PCDH11X: variants seen among roughly 807,000 people sequenced by gnomAD.
PCDH11X encodes protocadherin 11 X-linked.
PCDH11X carries 18 observed loss-of-function variants against 53.3 expected under a neutral mutation model. That is an observed-to-expected ratio of 0.34 (90% CI 0.23 to 0.50). The LOEUF (loss-of-function observed/expected upper bound fraction) is 0.50, where lower values mean the gene tolerates loss of function less well. PCDH11X is among the 20% of genes least tolerant of loss of function. The pLI, the probability that PCDH11X is intolerant of heterozygous loss-of-function variation, is 0.98. For missense variants in PCDH11X, 570 were observed against 1,032.4 expected (o/e 0.55, Z 6.14); for synonymous variants, 279 against 393.3 (o/e 0.71, Z 3.44).
chrX:91,964,238 C>A (rs1303550934), intron 6 of PCDH11X, among the ~76,000 whole-genome samples: 1 of 106,882 alleles, frequency 9.4e-6, no homozygotes, highest in Non-Finnish European at 1.9e-5. Context: ...CCATCCAAAG[C>A]AATCTATGGA....
intron 9 of PCDH11X, among the ~76,000 whole-genome samples, chrX:92,393,734 G>A (rs1281327041): frequency 9.0e-6 from 1 of 110,649 alleles, no homozygotes; most frequent in African/African-American, 3.3e-5. Context: ...TGTTAGAAAA[G>A]TATCTATATA....
chrX:91,973,255 A>G (rs1454248738), intron 6 of PCDH11X, among the ~76,000 whole-genome samples: 1 of 81,332 alleles, frequency 1.2e-5, no homozygotes, highest in African/African-American at 4.8e-5. Flanking sequence ...ACATGGACAC[A>G]GGAAGGGGAA....
chrX:92,618,721 A>G lies in PCDH11X; in HGVS notation c.3825A>G (p.Ser1275=). Residue 1275 remains serine, a synonymous_variant, in exon 11 of 11, where the codon TCA becomes TCG. Transcript: ENST00000682573. The stretch of plus-strand genomic sequence containing the variant: ...TCCATCGTAGTCAGGCCCAATCATC[A>G]GTCAGTTTGCAGCAAGGTTGGGTGC... ...IALHRSQAQS[S]VSLQQGWVQG... 3 of 1,211,997 alleles carry G rather than the reference A, an allele frequency of 2.5e-6. No homozygotes were observed. Among genetic ancestry groups the G allele is most frequent in the Non-Finnish European group, 3.4e-6 (3 of 895,514 alleles).
intron 10 of PCDH11X, among the ~76,000 whole-genome samples, chrX:92,503,700 TAAC>T (rs1241152433): frequency 3.7e-5 from 4 of 108,932 alleles, no homozygotes; most frequent in African/African-American, 1.0e-4. Context: ...ACATGGTGGG[TAAC>T]AACACACACT....
intron 6 of PCDH11X, among the ~76,000 whole-genome samples, chrX:91,966,318 G>A (rs5942108): frequency 9.0e-6 from 1 of 110,512 alleles, no homozygotes; most frequent in Non-Finnish European, 1.9e-5. Flanking sequence ...TGAATTTCAA[G>A]AGAAAGAATA....
chrX:92,175,756 A>ATGTGTGTGTGTGTGTG lies in PCDH11X; in HGVS notation c.3034-25613_3034-25598dup, dbSNP rs751094829. Reference sequence around the variant, plus strand: ...AGAGTATTTGTGTGTGTATACATATATGTGTGTGTGTGTGTGTGTGTATAT... The same window carrying ATGTGTGTGTGTGTGTG: ...AGAGTATTTGTGTGTGTATACATATATGTGTGTGTGTGTGTGTGTGTGTGTGTGTGTGTGTGTATAT... On this transcript the variant is annotated intron_variant, in intron 6 of 10. Transcript: ENST00000682573. 9.9e-3 allele frequency among the ~76,000 whole-genome samples: 699 copies of ATGTGTGTGTGTGTGTG among 70,920 alleles called. 5 individuals are homozygous for ATGTGTGTGTGTGTGTG. The highest frequency in any genetic ancestry group is 0.015 in the Non-Finnish European group (585 of 37,799). 61.6% of individuals were successfully genotyped at this position (70,920 alleles called of 115,157 possible).
At chrX:91,790,694 T>G (rs1305682559) in intron 1 of PCDH11X, among the ~76,000 whole-genome samples, 1 of 110,977 alleles carries the variant, frequency 9.0e-6, no homozygotes, top group Non-Finnish European at 1.9e-5. Context: ...GACTTTTATC[T>G]TAGAATACAG....
intron 9 of PCDH11X, among the ~76,000 whole-genome samples, chrX:92,442,315 G>T (rs1414838206): frequency 1.8e-5 from 2 of 110,017 alleles, no homozygotes; most frequent in Non-Finnish European, 3.8e-5. Flanking sequence ...AGGGGCCAGG[G>T]GTGGAATGAT....
chrX:92,248,402 G>T (rs1291854690), intron 7 of PCDH11X, among the ~76,000 whole-genome samples: 1 of 110,700 alleles, frequency 9.0e-6, no homozygotes, highest in Non-Finnish European at 1.9e-5. Flanking sequence ...TTTCACTTAA[G>T]GCCCATACTA....
At chrX:92,081,391 C>G in intron 6 of PCDH11X, among the ~76,000 whole-genome samples, 1 of 109,893 alleles carries the variant, frequency 9.1e-6, no homozygotes, top group Admixed American at 9.9e-5. Flanking sequence ...ATGTTTCCCT[C>G]CCCAGAACAC....
At chrX:92,589,407 A>T (rs755731427) in intron 10 of PCDH11X, among the ~76,000 whole-genome samples, 9 of 111,921 alleles carry the variant, frequency 8.0e-5, no homozygotes, top group Non-Finnish European at 1.7e-4. Flanking sequence ...GTACAATAAC[A>T]TATAAATATT....
chrX:92,131,496 T>A (rs1453238860), intron 6 of PCDH11X, among the ~76,000 whole-genome samples: 1 of 111,351 alleles, frequency 9.0e-6, no homozygotes. Context: ...GCAGATGAAC[T>A]GGGAAGGAAG....
chrX:92,231,819 G>A (rs1054187676), intron 7 of PCDH11X, among the ~76,000 whole-genome samples: 3 of 111,797 alleles, frequency 2.7e-5, no homozygotes, highest in African/African-American at 9.8e-5. Context: ...TAGTAGGTAC[G>A]CTACTCCCCA....
At chrX:92,417,820 A>AT (rs61034265) in intron 9 of PCDH11X, among the ~76,000 whole-genome samples, 1,513 of 67,408 alleles carry the variant, frequency 0.022, 77 homozygotes, top group African/African-American at 0.071. Flanking sequence ...CTTTTCTTCC[A>AT]TTTTTTTTTT....
chrX:92,331,057 G>T (rs1163362249), intron 8 of PCDH11X, among the ~76,000 whole-genome samples: 2 of 101,717 alleles, frequency 2.0e-5, no homozygotes, highest in African/African-American at 7.1e-5. Flanking sequence ...TTAAATATGT[G>T]CAGTTTACTG....
chrX:92,009,766 G>A (rs1387672223), intron 6 of PCDH11X, among the ~76,000 whole-genome samples: 4 of 99,618 alleles, frequency 4.0e-5, no homozygotes, highest in South Asian at 5.1e-4. Context: ...GCAGTGGTGC[G>A]ATCTTGGCTC....
At chrX:92,599,763 G>C (rs1287726900) in intron 10 of PCDH11X, among the ~76,000 whole-genome samples, 1 of 111,480 alleles carries the variant, frequency 9.0e-6, no homozygotes, top group Non-Finnish European at 1.9e-5. Context: ...CAGTTTGTAG[G>C]GCTCAGAAGA....
At chrX:92,252,576 T>C (rs1194318718) in intron 7 of PCDH11X, among the ~76,000 whole-genome samples, 1 of 111,796 alleles carries the variant, frequency 8.9e-6, no homozygotes, top group Non-Finnish European at 1.9e-5. Context: ...CAACATCATT[T>C]TGATAAGTGT....
intron 6 of PCDH11X, among the ~76,000 whole-genome samples, chrX:92,026,987 T>C (rs1052973499): frequency 5.0e-5 from 5 of 100,866 alleles, no homozygotes; most frequent in African/African-American, 1.8e-4. Flanking sequence ...TGATGACTGT[T>C]TATTCTACAC....
Sources: allele counts gnomAD v4.1 joint callset (sites outside exome capture counted in the v4.1 genomes callset), GRCh38; gene constraint gnomAD v4.1.1; transcripts MANE v1.5; gene names NCBI Gene and HGNC (gene_info 2026-07-23, HGNC 2026-07-21).